Variants in ANGPT1 observed in about 807,000 individuals in gnomAD.
ANGPT1 encodes the protein angiopoietin-1.
Under a neutral mutation model 62.2 loss-of-function variants are expected in ANGPT1, and 17 were observed. That is an observed-to-expected ratio of 0.27 (90% confidence interval 0.19 to 0.41). ANGPT1 has a LOEUF of 0.41. Among genes scored for constraint, ANGPT1 ranks in the 10% least tolerant of loss-of-function variants. ANGPT1 has a pLI of 1.00. For missense variants in ANGPT1, 478 were observed against 594.9 expected, an observed-to-expected ratio of 0.80 and a Z score of 2.04; for synonymous variants, 199 against 198.9, an observed-to-expected ratio of 1.00 and a Z score of 0.00.
intron 7 of ANGPT1, among the ~76,000 whole-genome samples, chr8:107,278,568 A>G (rs1483262755): frequency 1.3e-5 from 2 of 152,182 alleles, no homozygotes; most frequent in Non-Finnish European, 2.9e-5. Context: ...TAAGGTTCTA[A>G]GCTGGGGTTG....
intron 4 of ANGPT1, among the ~76,000 whole-genome samples, chr8:107,311,789 G>T (rs1814870544): frequency 6.6e-6 from 1 of 152,162 alleles, no homozygotes; most frequent in Non-Finnish European, 1.5e-5. Context: ...AAAAAGCTGG[G>T]TGCGGTGGCT....
intron 1 of ANGPT1, among the ~76,000 whole-genome samples, chr8:107,467,261 T>C (rs1812229212): frequency 6.6e-6 from 1 of 151,916 alleles, no homozygotes; most frequent in Non-Finnish European, 1.5e-5. Flanking sequence ...TCATAAATAG[T>C]TGTACATAGT....
intron 1 of ANGPT1, among the ~76,000 whole-genome samples, chr8:107,433,898 C>T (rs893183596): frequency 1.3e-5 from 2 of 152,158 alleles, no homozygotes; most frequent in Admixed American, 1.3e-4. Context: ...GATTCCCTCA[C>T]CCACACACAA....
At chr8:107,279,564 G>A (rs907883919) in intron 7 of ANGPT1, among the ~76,000 whole-genome samples, 2 of 152,138 alleles carry the variant, frequency 1.3e-5, no homozygotes, top group Non-Finnish European at 2.9e-5. Flanking sequence ...CTGTGACCTT[G>A]TGCAAAGTAC....
chr8:107,382,028 C>T (rs553810540), intron 1 of ANGPT1, among the ~76,000 whole-genome samples: 1 of 152,214 alleles, frequency 6.6e-6, no homozygotes, highest in African/African-American at 2.4e-5. Flanking sequence ...AATTTTTACT[C>T]TAAATTATTG....
At chr8:107,476,988 G>A (rs1812550234) in intron 1 of ANGPT1, among the ~76,000 whole-genome samples, 1 of 151,994 alleles carries the variant, frequency 6.6e-6, no homozygotes, top group Non-Finnish European at 1.5e-5. Context: ...GGGCTGTGTG[G>A]GCCACTCTCC....
intron 2 of ANGPT1, among the ~76,000 whole-genome samples, chr8:107,343,732 C>T (rs1815744613): frequency 2.0e-5 from 3 of 152,166 alleles, no homozygotes; most frequent in Admixed American, 2.0e-4. Context: ...TTATTTGTTG[C>T]ATTCTAATAG....
At chr8:107,450,982 T>C (rs1811763233) in intron 1 of ANGPT1, among the ~76,000 whole-genome samples, 1 of 151,792 alleles carries the variant, frequency 6.6e-6, no homozygotes, top group Non-Finnish European at 1.5e-5. Context: ...CTAGAACGTA[T>C]TGTAAATGCA....
intron 1 of ANGPT1, among the ~76,000 whole-genome samples, chr8:107,494,276 A>C (rs1813036859): frequency 6.6e-6 from 1 of 152,210 alleles, no homozygotes. Context: ...TAGTTCACAA[A>C]GTACAGGATG....
At chr8:107,369,362 T>C (rs1816335349) in intron 1 of ANGPT1, among the ~76,000 whole-genome samples, 1 of 152,210 alleles carries the variant, frequency 6.6e-6, no homozygotes, top group South Asian at 2.1e-4. Context: ...TAAGGTAATG[T>C]CGTGGCTGGT....
intron 1 of ANGPT1, among the ~76,000 whole-genome samples, chr8:107,379,033 T>C (rs924379204): frequency 1.3e-5 from 2 of 151,972 alleles, no homozygotes; most frequent in African/African-American, 4.8e-5. Context: ...TTTTACAAAC[T>C]CTGTTTCTAT....
rs541393579 is a variant in ANGPT1 at position 107,308,721 on chromosome 8, A to G, written c.809-5354T>C. Among the ~76,000 whole-genome samples the G allele has an allele frequency of 3.4e-4, 52 of 152,308 alleles. 1 individual carries two copies. The South Asian group carries it at 9.9e-3, about 29-fold the overall frequency. On this transcript the variant is annotated intron_variant, in intron 4 of 8. Coordinates refer to ENST00000517746, the MANE Select transcript of ANGPT1 (RefSeq NM_001146.5). The stretch of plus-strand genomic sequence containing the variant: ...ATAAATCTAGAAAGTCCTAGGAAGG[A>G]ATCATTATTCATTCTTTTCATTTAG...
intron 8 of ANGPT1, among the ~76,000 whole-genome samples, chr8:107,257,917 G>GTTCT (rs1356036083): frequency 5.5e-5 from 3 of 54,820 alleles, no homozygotes; most frequent in Non-Finnish European, 1.2e-4. Context: ...GTTTTTGACT[G>GTTCT]TTCTTTCTTT....
chr8:107,325,193 A>T (rs1815258389), intron 3 of ANGPT1, among the ~76,000 whole-genome samples: 1 of 152,122 alleles, frequency 6.6e-6, no homozygotes, highest in African/African-American at 2.4e-5. Flanking sequence ...CATCCCACCT[A>T]CTGGGGTAGG....
chr8:107,304,760 T>C (rs1041129214), intron 4 of ANGPT1, among the ~76,000 whole-genome samples: 6 of 151,724 alleles, frequency 4.0e-5, no homozygotes, highest in African/African-American at 9.7e-5. Flanking sequence ...AGCAGAAAAA[T>C]AGTACTAAAG....
intron 1 of ANGPT1, among the ~76,000 whole-genome samples, chr8:107,420,050 C>G (rs1420605195): frequency 6.6e-6 from 1 of 152,136 alleles, no homozygotes; most frequent in Non-Finnish European, 1.5e-5. Context: ...ACTAGGGTTT[C>G]TTTGACTCAG....
intron 1 of ANGPT1, among the ~76,000 whole-genome samples, chr8:107,374,566 C>T (rs764349030): frequency 6.6e-6 from 1 of 152,168 alleles, no homozygotes; most frequent in Non-Finnish European, 1.5e-5. Context: ...TAGGACTGGG[C>T]GGTTTTCTAA....
chr8:107,303,231 T>C lies in ANGPT1; in HGVS notation c.936+9A>G. On this transcript the variant is annotated intron_variant, in intron 5 of 8. Coordinates refer to ENST00000517746, the MANE Select transcript of ANGPT1 (RefSeq NM_001146.5). Reference sequence around the variant, plus strand: ...CTTACATCTTGTAAACAAACACTTCTGGTTTTACCTTTTTGGGTTCTGGCA... The same window carrying C: ...CTTACATCTTGTAAACAAACACTTCCGGTTTTACCTTTTTGGGTTCTGGCA... The C allele has an allele frequency of 1.2e-6, 2 of 1,608,986 alleles. No individual in the cohort carries two copies. The highest frequency in any genetic ancestry group is 8.5e-7 in the Non-Finnish European group (1 of 1,177,026).
rs547945884 is a variant in ANGPT1 at position 107,460,264 on chromosome 8, G to C, written c.297+36998C>G. Among the ~76,000 whole-genome samples the C allele has an allele frequency of 2.2e-3, 334 of 152,204 alleles. 1 individual carries two copies. Among genetic ancestry groups the C allele is most frequent in the Non-Finnish European group, 3.2e-3 (215 of 68,006 alleles). On this transcript the variant is annotated intron_variant, in intron 1 of 8. Coordinates refer to ENST00000517746, the MANE Select transcript of ANGPT1 (RefSeq NM_001146.5). ...CATGTATATATTCCCAATCCTTTTG[G>C]GGGAGAGGGGACTGTTAAGGAGTAG...
Sources: allele counts gnomAD v4.1 joint callset (sites outside exome capture counted in the v4.1 genomes callset), GRCh38; gene constraint gnomAD v4.1.1; transcripts MANE v1.5; gene names NCBI Gene and HGNC (gene_info 2026-07-23, HGNC 2026-07-21).